The following AQP5 variants were observed in gnomAD, a reference collection of about 807,000 sequenced individuals.
The protein encoded by AQP5 is aquaporin-5.
A neutral mutation model predicts 19.1 loss-of-function variants in AQP5; 15 were observed. The observed-to-expected ratio is 0.79, with a 90% confidence interval of 0.53 to 1.21. The LOEUF is 1.21. Ranked by LOEUF, AQP5 falls within the 50% of genes most tolerant of loss-of-function variation. The probability of loss-of-function intolerance (pLI) is 0.00; values close to 1 mark genes in which losing one functional copy is unlikely to be tolerated. For missense variants in AQP5, 355 were observed against 357.1 expected (o/e 0.99, Z 0.05); for synonymous variants, 182 against 160.3 (o/e 1.14, Z -1.02).
In AQP5 at chr12:49,962,063, G is replaced by T. The variant is rs532533853; in HGVS notation, c.46G>T (p.Ala16Ser). The T allele has an allele frequency of 1.5e-4, 239 of 1,608,244 alleles. No homozygotes were observed. The highest frequency in any genetic ancestry group is 2.2e-5 in the East Asian group (1 of 44,652). The change falls in exon 1 of 4, where the codon GCA (alanine) becomes TCA (serine). Residue 16 changes from alanine (A) to serine (S), a missense_variant. By Grantham distance (99) the Ala-to-Ser change is moderately conservative. Coordinates refer to ENST00000293599, the MANE Select transcript of AQP5 (RefSeq NM_001651.4). The stretch of plus-strand genomic sequence containing the variant: ...CGTGGCCTTCCTCAAGGCCGTGTTC[G>T]CAGAGTTCTTGGCCACCCTCATCTT... ...CSVAFLKAVF[A>S]EFLATLIFVF...
chr12:49,965,019 G>C lies in AQP5; in HGVS notation c.640G>C (p.Ala214Pro), dbSNP rs1382275648. The change falls in exon 4 of 4, where the codon GCG becomes CCG. Residue 214 changes from alanine to proline, a missense_variant. Ala to Pro is a conservative substitution (Grantham distance 27). Coordinates refer to ENST00000293599, the MANE Select transcript of AQP5 (RefSeq NM_001651.4). ...WVFWVGPIVG[A>P]VLAAILYFYL... ...TTTCTGGGTAGGGCCCATCGTGGGG[G>C]CGGTCCTGGCTGCCATCCTTTACTT... The C allele has an allele frequency of 1.2e-6, 2 of 1,613,798 alleles. No individual in the cohort carries two copies. The highest frequency in any genetic ancestry group is 1.7e-6 in the Non-Finnish European group (2 of 1,179,950).
rs754156758 is a variant in AQP5, at chr12:49,963,586, G to C, written c.458G>C (p.Arg153Pro). The C allele has an allele frequency of 6.2e-7, 1 of 1,613,832 alleles. No individual in the cohort carries two copies. The highest frequency in any genetic ancestry group is 8.5e-7 in the Non-Finnish European group (1 of 1,180,020). Residue 153 changes from arginine to proline, a missense_variant, in exon 2 of 4, where the codon CGC becomes CCC. Physicochemically the swap from Arg to Pro is moderately radical, Grantham distance 103. Coordinates refer to ENST00000293599, the MANE Select transcript of AQP5 (RefSeq NM_001651.4). ...ALCIFASTDS[R>P]RTSPVGSPAL... ...TGCATCTTCGCCTCCACTGACTCCC[G>C]CCGCACCAGCCCTGTGGGCTCCCCA...
chr12:49,961,976 G>GC lies in AQP5; in HGVS notation c.-36dup, dbSNP rs1947427664. On this transcript the variant is annotated 5_prime_UTR_variant, in exon 1 of 4. Coordinates refer to ENST00000293599, the MANE Select transcript of AQP5 (RefSeq NM_001651.4). ...CTCCGCCGCCTGCGACCCAACGGGCGCCCCCCGCCGCGGCAGCTGCCGCCG... is the reference window on the plus strand; with the variant it reads ...CTCCGCCGCCTGCGACCCAACGGGCGCCCCCCCGCCGCGGCAGCTGCCGCCG... 13 of 1,293,452 alleles carry GC rather than the reference G, an allele frequency of 1.0e-5. No individual in the cohort carries two copies. Among genetic ancestry groups the GC allele is most frequent in the South Asian group, 2.5e-5 (1 of 39,964 alleles). The allele number at this position is 1,293,452 out of a possible 1,614,324, so 80.1% of individuals were successfully genotyped here.
Position 49,962,056 on chromosome 12 carries a change from C to T in AQP5, c.39C>T (p.Ala13=). Residue 13 remains alanine, a synonymous_variant, in exon 1 of 4, where the codon GCC becomes GCT. Transcript: ENST00000293599. ...KEVCSVAFLK[A]VFAEFLATLI... is the part of the protein sequence containing the mutation. ...TGTGCTCCGTGGCCTTCCTCAAGGCCGTGTTCGCAGAGTTCTTGGCCACCC... is the reference window on the plus strand; with the variant it reads ...TGTGCTCCGTGGCCTTCCTCAAGGCTGTGTTCGCAGAGTTCTTGGCCACCC... The T allele has an allele frequency of 6.2e-7, 1 of 1,605,738 alleles. No homozygotes were observed. Among genetic ancestry groups the T allele is most frequent in the South Asian group, 1.1e-5 (1 of 90,902 alleles).
Position 49,965,189 on chromosome 12 carries a change from C to T in AQP5, c.*12C>T, listed in dbSNP as rs1429682630. The T allele has an allele frequency of 6.3e-7, 1 of 1,596,458 alleles. No homozygotes were observed. The highest frequency in any genetic ancestry group is 1.7e-4 in the Middle Eastern group (1 of 5,930). ...TGACCACCCGCTGACCAGTGTCAGG[C>T]AGGGGCCAGCCCCTCAGCCCCTGAG... On this transcript the variant is annotated 3_prime_UTR_variant, in exon 4 of 4. Transcript: ENST00000293599.
rs748231984 is a variant in AQP5, at chr12:49,965,145, C to T, written c.766C>T (p.Arg256Trp). The change falls in exon 4 of 4, where the codon CGG becomes TGG. Residue 256 changes from arginine (R) to tryptophan (W), a missense_variant. Transcript: ENST00000293599. ...DEDWEEQREE[R>W]KKTMELTTR The stretch of plus-strand genomic sequence containing the variant: ...GGACTGGGAGGAGCAGCGGGAAGAG[C>T]GGAAGAAGACCATGGAGCTGACCAC... The T allele has an allele frequency of 1.1e-5, 17 of 1,612,794 alleles. No homozygotes were observed. Among genetic ancestry groups the T allele is most frequent in the African/African-American group, 1.3e-5 (1 of 74,908 alleles).
In AQP5 at chr12:49,962,368, G is replaced by C. The variant is rs1200372092; in HGVS notation, c.351G>C (p.Leu117=). The C allele has an allele frequency of 1.3e-6, 2 of 1,583,658 alleles. No homozygotes were observed. Among genetic ancestry groups the C allele is most frequent in the Non-Finnish European group, 1.7e-6 (2 of 1,171,946 alleles). The change falls in exon 1 of 4, where the codon CTG becomes CTC. Residue 117 remains leucine, a synonymous_variant. Transcript: ENST00000293599. The part of the protein sequence containing the change: ...GVAPLNARGN[L]AVNALNNNTT... ...CACCGCTCAATGCCCGGGGCAATCT[G>C]GCCGTCAACGCGGTGAGTGCCCTGG...
At chr12:49,962,495 A>ACCAGGAAGGCAAGAGCCTCCAAAGG in intron 1 of AQP5, 115 bp downstream of exon 1, 1 of 1,014,498 alleles carries the variant, frequency 9.9e-7, no homozygotes, top group Non-Finnish European at 1.3e-6. Context: ...CACACCCTTC[A>ACCAGGAAGGCAAGAGCCTCCAAAGG]CCAGGAAGGC....
chr12:49,963,874 A>G, intron 2 of AQP5: 1 of 797,080 alleles, frequency 1.3e-6, no homozygotes, highest in Non-Finnish European at 1.9e-6. Context: ...GTGGGATGGG[A>G]CAGGAATCAA....
At chr12:49,962,521 C>A in intron 1 of AQP5, 141 bp downstream of exon 1, 4 of 1,342,440 alleles carry the variant, frequency 3.0e-6, no homozygotes, top group Non-Finnish European at 2.9e-6. Flanking sequence ...CCTCCCAAGG[C>A]CAGGAAGGCA....
intron 1 of AQP5, among the ~76,000 whole-genome samples, chr12:49,963,258 A>T (rs1366593181): frequency 6.6e-6 from 1 of 152,224 alleles, no homozygotes; most frequent in African/African-American, 2.4e-5. Context: ...CGTGTCCAGG[A>T]AAAGCTACCC....
intron 1 of AQP5, chr12:49,962,667 C>T (rs2137158626): frequency 2.7e-6 from 1 of 375,410 alleles, no homozygotes; most frequent in Admixed American, 4.3e-5. Context: ...CCTGTCTCAC[C>T]TTTGAGCTCC....
rs757747665 is a variant in AQP5 at position 49,964,061 on chromosome 12, C to T, written c.529-31C>T. The T allele has an allele frequency of 1.1e-5, 18 of 1,588,272 alleles. No homozygotes were observed. In the South Asian group the frequency reaches 2.0e-4, roughly 18 times the overall value. On this transcript the variant is annotated intron_variant, in intron 2 of 3. Coordinates refer to ENST00000293599, the MANE Select transcript of AQP5 (RefSeq NM_001651.4). ...TCTGTGGGAGTGGACCAGGATGTTG[C>T]CTTTCTCTCCACCGCCCTGTCTCTA...
In AQP5 at chr12:49,962,249, G is replaced by T; in HGVS notation, c.232G>T (p.Val78Leu). The T allele has an allele frequency of 6.2e-7, 1 of 1,606,730 alleles. No individual in the cohort carries two copies. The part of the protein sequence containing the change: ...INPAITLALL[V>L]GNQISLLRAF... ...CCCCGCCATCACCCTGGCCCTCTTGGTGGGCAACCAGATCTCGCTGCTCCG... is the reference window on the plus strand; with the variant it reads ...CCCCGCCATCACCCTGGCCCTCTTGTTGGGCAACCAGATCTCGCTGCTCCG... The change falls in exon 1 of 4, where the codon GTG becomes TTG. Residue 78 changes from valine to leucine, a missense_variant. Transcript: ENST00000293599.
In AQP5 at chr12:49,965,363, A is replaced by T; in HGVS notation, c.*186A>T. 3 of 668,420 alleles carry T rather than the reference A, an allele frequency of 4.5e-6. No homozygotes were observed. Among genetic ancestry groups the T allele is most frequent in the Non-Finnish European group, 2.4e-6 (1 of 415,946 alleles). The allele number at this position is 668,420 out of a possible 1,614,324, so 41.4% of individuals were successfully genotyped here. A position where few individuals can be genotyped will look rare whatever the true frequency, so the allele number is the denominator to read the frequency against. Reference sequence around the variant, plus strand: ...TGATGGGACTCCTGGGGTAGGGGCCAGGGGCTGGGGTCTGCTGGGGACAGG... The same window carrying T: ...TGATGGGACTCCTGGGGTAGGGGCCTGGGGCTGGGGTCTGCTGGGGACAGG... On this transcript the variant is annotated 3_prime_UTR_variant, in exon 4 of 4. Coordinates refer to ENST00000293599, the MANE Select transcript of AQP5 (RefSeq NM_001651.4).
intron 2 of AQP5, 67 bp from the exon 3 acceptor site, chr12:49,964,025 A>G: frequency 2.0e-6 from 3 of 1,481,004 alleles, no homozygotes; most frequent in Non-Finnish European, 1.9e-6. Flanking sequence ...TAACCTTGAG[A>G]GAGTCCAGAT....
chr12:49,963,325 T>G (rs986587578), intron 1 of AQP5, among the ~76,000 whole-genome samples, 167 bp from the exon 2 acceptor site: 49 of 152,234 alleles, frequency 3.2e-4, no homozygotes, highest in African/African-American at 1.1e-3. Context: ...AACTATGAAA[T>G]GTACAGTGTC....
rs777415336 is a variant in AQP5 at position 49,963,472 on chromosome 12, A to C, written c.364-20A>C. 1.1e-5 allele frequency: 17 copies of C among 1,612,258 alleles called. No individual in the cohort carries two copies. Among genetic ancestry groups the C allele is most frequent in the Non-Finnish European group, 1.4e-5 (17 of 1,179,048 alleles). On this transcript the variant is annotated intron_variant, in intron 1 of 3. Transcript: ENST00000293599. ...ACAGCCAGAAGGTGGCCGGGGTCCT[A>C]ACCCGCTATCCCCTTGCAGCTCAAC...
In AQP5 at chr12:49,962,278, T is replaced by C; in HGVS notation, c.261T>C (p.Ala87=). Residue 87 remains alanine, a synonymous_variant, in exon 1 of 4, where the codon GCT becomes GCC. Coordinates refer to ENST00000293599, the MANE Select transcript of AQP5 (RefSeq NM_001651.4). ...LVGNQISLLR[A]FFYVAAQLVG... ...GCAACCAGATCTCGCTGCTCCGGGC[T>C]TTCTTCTACGTGGCGGCCCAGCTGG... is the stretch of plus-strand genomic sequence containing the variant. 6.2e-7 allele frequency: 1 copy of C among 1,607,576 alleles called. No individual in the cohort carries two copies. The highest frequency in any genetic ancestry group is 8.5e-7 in the Non-Finnish European group (1 of 1,179,874).
Sources: gnomAD v4.1 joint callset for allele counts (sites outside exome capture counted in the v4.1 genomes callset) on GRCh38, gnomAD v4.1.1 for gene constraint, MANE v1.5 for transcripts, NCBI Gene and HGNC (gene_info 2026-07-23, HGNC 2026-07-21) for gene names.